The following CMYA5 variants were observed in gnomAD, a reference collection of about 807,000 sequenced individuals.
CMYA5 encodes cardiomyopathy associated 5.
In CMYA5, 246 loss-of-function variants were observed where a neutral mutation model predicts 318.9. The ratio of observed to expected loss-of-function variants is 0.77; its 90% CI spans 0.70 to 0.86. The LOEUF (loss-of-function observed/expected upper bound fraction) is 0.86. Among genes scored for constraint, CMYA5 ranks in the 40% least tolerant of loss-of-function variants. The pLI is 0.00. For synonymous variants in CMYA5, 1,641 were observed against 1,729.5 expected (o/e 0.95, Z 1.27); for missense variants, 4,589 against 4,678.2 (o/e 0.98, Z 0.56).
intron 11 of CMYA5, among the ~76,000 whole-genome samples, chr5:79,791,700 T>G (rs1829182936): frequency 2.4e-5 from 3 of 123,174 alleles, no homozygotes. Context: ...AGCCTGGGAG[T>G]GAGACTCTGT....
chr5:79,796,855 G>GTTAC (rs35702488), intron 12 of CMYA5, among the ~76,000 whole-genome samples: 92,319 of 151,722 alleles, frequency 0.61, 28,084 homozygotes, highest in Middle Eastern at 0.69. Flanking sequence ...ACATGTCAAC[G>GTTAC]TTACGGATCA....
intron 1 of CMYA5, among the ~76,000 whole-genome samples, chr5:79,711,922 G>A (rs888540257): frequency 3.9e-5 from 6 of 152,178 alleles, no homozygotes; most frequent in African/African-American, 9.6e-5. Flanking sequence ...ACAATTTTCA[G>A]TATGATCCCC....
At chr5:79,743,693 G>A (rs1828263777) in intron 2 of CMYA5, 134 bp from the exon 3 acceptor site, 3 of 462,772 alleles carry the variant, frequency 6.5e-6, no homozygotes, top group Non-Finnish European at 1.1e-5. Context: ...AAAATTTAAG[G>A]ATTGATTTGT....
At chr5:79,710,474 A>G (rs1177568546) in intron 1 of CMYA5, among the ~76,000 whole-genome samples, 1 of 152,202 alleles carries the variant, frequency 6.6e-6, no homozygotes, top group Non-Finnish European at 1.5e-5. Flanking sequence ...ATTTAATAGC[A>G]TGAAAAAATG....
chr5:79,695,978 G>A (rs571169353), intron 1 of CMYA5, among the ~76,000 whole-genome samples: 15 of 152,330 alleles, frequency 9.8e-5, no homozygotes, highest in Admixed American at 3.3e-4. Flanking sequence ...TTTTAAGGTT[G>A]AGAATATTTG....
chr5:79,735,518 T>C lies in CMYA5; in HGVS notation c.6753T>C (p.Gly2251=). The C allele has an allele frequency of 6.2e-7, 1 of 1,613,080 alleles. No homozygotes were observed. The highest frequency in any genetic ancestry group is 1.1e-5 in the South Asian group (1 of 90,774). ...VKLKTADEPR[G]TLVKSGDGQN... is the part of the protein sequence containing the mutation. ...TTAAAACTGCTGATGAACCCAGAGG[T>C]ACTTTAGTAAAATCTGGTGACGGTC... is the stretch of plus-strand genomic sequence containing the variant. The change falls in exon 2 of 13, where the codon GGT becomes GGC. Residue 2251 remains glycine (G), a synonymous_variant. Coordinates refer to ENST00000446378, the MANE Select transcript of CMYA5 (RefSeq NM_153610.5).
chr5:79,745,352 A>G lies in CMYA5; in HGVS notation c.10865A>G (p.His3622Arg). 2 of 1,613,956 alleles carry G rather than the reference A, an allele frequency of 1.2e-6. No individual in the cohort carries two copies. The highest frequency in any genetic ancestry group is 1.3e-5 in the African/African-American group (1 of 75,054). ...AAGAAGAAGAAGATGGAGTTCCTGCATGAGCAGATGGTCCACTTTCTGCAG... is the reference window on the plus strand; with the variant it reads ...AAGAAGAAGAAGATGGAGTTCCTGCGTGAGCAGATGGTCCACTTTCTGCAG... ...EVKKKKMEFL[H>R]EQMVHFLQSM... is the part of the protein sequence containing the mutation. Residue 3622 changes from histidine (H) to arginine (R), a missense_variant, in exon 4 of 13, where the codon CAT (histidine) becomes CGT (arginine). Coordinates refer to ENST00000446378, the MANE Select transcript of CMYA5 (RefSeq NM_153610.5).
chr5:79,793,727 C>T, intron 12 of CMYA5, 117 bp downstream of exon 12: 2 of 905,664 alleles, frequency 2.2e-6, no homozygotes, highest in South Asian at 3.9e-5. Flanking sequence ...TCTGAGCCAA[C>T]TAAGAAAGAA....
At chr5:79,779,017 C>T (rs1257887845) in intron 9 of CMYA5, among the ~76,000 whole-genome samples, 7 of 87,426 alleles carry the variant, frequency 8.0e-5, no homozygotes, top group African/African-American at 3.5e-4. Flanking sequence ...CACCCACTAA[C>T]GTGTCATCTA....
chr5:79,765,466 A>G (rs994059029), intron 9 of CMYA5, among the ~76,000 whole-genome samples: 1 of 152,206 alleles, frequency 6.6e-6, no homozygotes, highest in Non-Finnish European at 1.5e-5. Context: ...TGTCTTGGCT[A>G]TGCAGGCTCT....
In CMYA5 at chr5:79,730,800, C is replaced by G. The variant is rs780671644; in HGVS notation, c.2035C>G (p.Leu679Val). 13 of 1,613,864 alleles carry G rather than the reference C, an allele frequency of 8.1e-6. No homozygotes were observed. Among genetic ancestry groups the G allele is most frequent in the Non-Finnish European group, 1.0e-5 (12 of 1,179,838 alleles). ...AACAGTTACACCAGAATACATGGTC[C>G]TATCAGGAGACGAGGCCTCAGAAAG... is the stretch of plus-strand genomic sequence containing the variant. ...FSTVTPEYMV[L>V]SGDEASESGC... The change falls in exon 2 of 13, where the codon CTA becomes GTA. Residue 679 changes from leucine (L) to valine (V), a missense_variant. Around this residue, in one of 3 missense-constraint regions of CMYA5, gnomAD observed 2,132 missense variants for 2,131.3 expected, o/e 1.00. Coordinates refer to ENST00000446378, the MANE Select transcript of CMYA5 (RefSeq NM_153610.5).
intron 1 of CMYA5, among the ~76,000 whole-genome samples, chr5:79,696,610 A>G (rs911121734): frequency 3.3e-5 from 5 of 152,350 alleles, no homozygotes; most frequent in Non-Finnish European, 5.9e-5. Context: ...AAAAACTTTT[A>G]AAGAAATTTA....
rs1828451261 is a variant in CMYA5, at chr5:79,752,665, T to G, written c.10992-11T>G. 3 of 1,579,294 alleles carry G rather than the reference T, an allele frequency of 1.9e-6. No individual in the cohort carries two copies. Among genetic ancestry groups the G allele is most frequent in the Non-Finnish European group, 2.6e-6 (3 of 1,151,830 alleles). ...ATTTTTTAACTTATGTAGAGCTCTA[T>G]TCCCCGATAGGTTGCTTTCTGCAAT... On this transcript the variant is annotated splice_polypyrimidine_tract_variant and intron_variant, in intron 5 of 12. Coordinates refer to ENST00000446378, the MANE Select transcript of CMYA5 (RefSeq NM_153610.5).
At position 79,728,928 on chromosome 5, in the gene CMYA5, G is replaced by A. The variant is rs772227804; in HGVS notation, c.163G>A (p.Asp55Asn). ...TATTTGCTATAGGTTATCAGACCAG[G>A]ATGAAGAGGGAAAGATCAAGCAGGA... ...EEPDSRLSDQ[D>N]EEGKIKQEYI... The change falls in exon 2 of 13, where the codon GAT becomes AAT. Residue 55 changes from aspartate (D) to asparagine (N), a missense_variant. This residue lies in a region of CMYA5 where 2,132 missense variants were observed against 2,131.3 expected (regional missense o/e 1.00). Transcript: ENST00000446378. The A allele has an allele frequency of 2.2e-5, 35 of 1,571,848 alleles. No individual in the cohort carries two copies. The highest frequency in any genetic ancestry group is 5.5e-5 in the Admixed American group (3 of 54,120).
intron 1 of CMYA5, among the ~76,000 whole-genome samples, chr5:79,724,213 A>G (rs1378489489): frequency 1.3e-5 from 2 of 151,832 alleles, no homozygotes; most frequent in Non-Finnish European, 2.9e-5. Context: ...AATCCCATCT[A>G]CTTGGGAGGC....
At chr5:79,758,620 A>G (rs1390465455) in intron 6 of CMYA5, 133 bp from the exon 7 acceptor site, 7 of 492,744 alleles carry the variant, frequency 1.4e-5, no homozygotes, top group Non-Finnish European at 2.3e-5. Context: ...GTTTGGGGGA[A>G]CAAGAGAGCC....
Position 79,734,745 on chromosome 5 carries a change from T to G in CMYA5, c.5980T>G (p.Leu1994Val). 6.2e-7 allele frequency: 1 copy of G among 1,613,812 alleles called. No homozygotes were observed. Among genetic ancestry groups the G allele is most frequent in the Non-Finnish European group, 8.5e-7 (1 of 1,179,806 alleles). ...EVKLAEEPKS[L>V]VLAGNVERNI... Reference sequence around the variant, plus strand: ...AAAGCTGGCTGAAGAACCAAAGTCTTTAGTCCTAGCTGGAAATGTAGAGAG... The same window carrying G: ...AAAGCTGGCTGAAGAACCAAAGTCTGTAGTCCTAGCTGGAAATGTAGAGAG... The change falls in exon 2 of 13, where the codon TTA (leucine) becomes GTA (valine). Residue 1994 changes from leucine to valine, a missense_variant. Coordinates refer to ENST00000446378, the MANE Select transcript of CMYA5 (RefSeq NM_153610.5).
chr5:79,718,770 C>G (rs1156390987), intron 1 of CMYA5, among the ~76,000 whole-genome samples: 1 of 152,104 alleles, frequency 6.6e-6, no homozygotes, highest in East Asian at 1.9e-4. Flanking sequence ...ACAGTGGTCC[C>G]ATAAGATTAT....
At chr5:79,770,365 A>T (rs7709978) in intron 9 of CMYA5, among the ~76,000 whole-genome samples, 7 of 151,892 alleles carry the variant, frequency 4.6e-5, no homozygotes, top group African/African-American at 1.4e-4. Context: ...AAAAAACTCC[A>T]GCAGCTGGCT....
Sources: allele counts gnomAD v4.1 joint callset (sites outside exome capture counted in the v4.1 genomes callset), GRCh38; gene constraint gnomAD v4.1.1; regional missense constraint gnomAD v4.1.1; transcripts MANE v1.5; gene names NCBI Gene and HGNC (gene_info 2026-07-23, HGNC 2026-07-21).